ATXN10: variants seen among roughly 807,000 people sequenced by gnomAD.
ATXN10 encodes ataxin 10, also known as ataxin-10.
In ATXN10, 28 loss-of-function variants were observed where a neutral mutation model predicts 52.9. The ratio of observed to expected loss-of-function variants is 0.53; its 90% CI spans 0.39 to 0.73. The LOEUF (loss-of-function observed/expected upper bound fraction) is 0.73, where lower values mean the gene tolerates loss of function less well. ATXN10 is among the 30% of genes least tolerant of loss of function. The probability of loss-of-function intolerance (pLI) is 0.00; values close to 1 mark genes in which losing one functional copy is unlikely to be tolerated. For synonymous variants in ATXN10, 226 were observed against 221.5 expected, an observed-to-expected ratio of 1.02 and a Z score of -0.18; for missense variants, 565 against 577.0, an observed-to-expected ratio of 0.98 and a Z score of 0.21.
At chr22:45,697,814 T>G (rs963421714) in intron 3 of ATXN10, among the ~76,000 whole-genome samples, 11 of 151,956 alleles carry the variant, frequency 7.2e-5, no homozygotes, top group African/African-American at 2.7e-4. Context: ...GTATTTTTAG[T>G]AGAGACGGGG....
In ATXN10 at chr22:45,769,939, T is replaced by C. The variant is rs1018699958; in HGVS notation, c.1173+29401T>C. ...AAAATTAAATGTTACCACAAGTATT[T>C]TGTCACTCTATAAATACAGTTCTAA... On this transcript the variant is annotated intron_variant, in intron 9 of 11. Coordinates refer to ENST00000252934, the MANE Select transcript of ATXN10 (RefSeq NM_013236.4). The surrounding 1 kb of genome is among the most constrained non-coding windows in gnomAD (Gnocchi z 4.2). 2.6e-5 allele frequency among the ~76,000 whole-genome samples: 4 copies of C among 152,246 alleles called. No homozygotes were observed. Among genetic ancestry groups the C allele is most frequent in the African/African-American group, 9.6e-5 (4 of 41,458 alleles).
At chr22:45,751,982 C>T (rs1303221444) in intron 9 of ATXN10, among the ~76,000 whole-genome samples, 1 of 150,914 alleles carries the variant, frequency 6.6e-6, no homozygotes, top group East Asian at 1.9e-4. Context: ...AAGCTGATTG[C>T]TTATCTTATT....
intron 10 of ATXN10, among the ~76,000 whole-genome samples, chr22:45,822,564 T>G (rs1928686183): frequency 7.0e-6 from 1 of 142,970 alleles, no homozygotes; most frequent in Non-Finnish European, 1.5e-5. Context: ...GGAGTCTTGC[T>G]CTGTCACCCA....
At chr22:45,737,954 C>G (rs1045991259) in intron 7 of ATXN10, among the ~76,000 whole-genome samples, 15 of 152,058 alleles carry the variant, frequency 9.9e-5, no homozygotes, top group Non-Finnish European at 2.1e-4. Context: ...CTTCTGGCCT[C>G]GGCCTCCCAA....
At chr22:45,809,315 C>G (rs938622717) in intron 10 of ATXN10, among the ~76,000 whole-genome samples, 1 of 152,200 alleles carries the variant, frequency 6.6e-6, no homozygotes, top group Non-Finnish European at 1.5e-5. Context: ...CTTTCCCCCC[C>G]TTTCTTGTGC....
In ATXN10 at chr22:45,696,014, G is replaced by T. The variant is rs970547802; in HGVS notation, c.391+2936G>T. Among the ~76,000 whole-genome samples, 2 of 152,034 alleles carry T rather than the reference G, an allele frequency of 1.3e-5. No individual in the cohort carries two copies. The highest frequency in any genetic ancestry group is 6.6e-5 in the Admixed American group (1 of 15,254). On this transcript the variant is annotated intron_variant, in intron 3 of 11. Transcript: ENST00000252934. The surrounding 1 kb of genome is among the most constrained non-coding windows in gnomAD (Gnocchi z 4.7). ...TATTTGATTTTGAAGTATTCCTTTA[G>T]GAAATGGTAATTAAAAATTAATTAC... is the stretch of plus-strand genomic sequence containing the variant.
rs1925851850 is a variant in ATXN10 at position 45,749,235 on chromosome 22, C to CAT, written c.1173+8699_1173+8700dup. Among the ~76,000 whole-genome samples the CAT allele has an allele frequency of 2.0e-5, 3 of 152,178 alleles. No individual in the cohort carries two copies. In the South Asian group the frequency reaches 6.2e-4, roughly 32 times the overall value. ...TTAACACCTGCCGTAACACTGGGTACATAGTGTAGTGAAATTAATGGACGC... is the reference window on the plus strand; with the variant it reads ...TTAACACCTGCCGTAACACTGGGTACATATAGTGTAGTGAAATTAATGGACGC... On this transcript the variant is annotated intron_variant, in intron 9 of 11. Transcript: ENST00000252934.
chr22:45,740,732 ACACACACGTGTGTGTGTGTGTG>A, intron 9 of ATXN10, 194 bp downstream of exon 9: 1 of 399,996 alleles, frequency 2.5e-6, no homozygotes, highest in Non-Finnish European at 4.4e-6. Context: ...ATATATACAC[ACACACACGTGTGTGTGTGTGTG>A]TATATATATA....
Position 45,786,350 on chromosome 22 carries a change from A to T in ATXN10, c.1174-20609A>T, listed in dbSNP as rs1024072801. 6.6e-6 allele frequency among the ~76,000 whole-genome samples: 1 copy of T among 152,154 alleles called. No individual in the cohort carries two copies. Among genetic ancestry groups the T allele is most frequent in the Non-Finnish European group, 1.5e-5 (1 of 68,028 alleles). On this transcript the variant is annotated intron_variant, in intron 9 of 11. Coordinates refer to ENST00000252934, the MANE Select transcript of ATXN10 (RefSeq NM_013236.4). The surrounding 1 kb of genome is among the most constrained non-coding windows in gnomAD (Gnocchi z 4.1). Reference sequence around the variant, plus strand: ...AGAACTGTAGTATCATTCTCTCTGGATTCCTTTCTTTTTGGAGGTGTCATG... The same window carrying T: ...AGAACTGTAGTATCATTCTCTCTGGTTTCCTTTCTTTTTGGAGGTGTCATG...
chr22:45,843,191 G>A lies in ATXN10; in HGVS notation c.1425+13G>A, dbSNP rs760255090. The A allele has an allele frequency of 4.4e-5, 71 of 1,613,466 alleles. No individual in the cohort carries two copies. The highest frequency in any genetic ancestry group is 4.1e-4 in the South Asian group (37 of 91,060). The stretch of plus-strand genomic sequence containing the variant: ...CACCCCTAAGCCAGTAAGTACCCTC[G>A]AGGGAACTGTCCTTCCCTTTGGTTT... On this transcript the variant is annotated intron_variant, in intron 11 of 11. Transcript: ENST00000252934. The surrounding 1 kb of genome is among the most constrained non-coding windows in gnomAD (Gnocchi z 4.5).
In ATXN10 at chr22:45,675,154, A is replaced by G. The variant is rs7287514; in HGVS notation, c.116+2975A>G. On this transcript the variant is annotated intron_variant, in intron 1 of 11. Transcript: ENST00000252934. ...CAAGGTTGTAAGTGACCAAGAATCC[A>G]TTTGTGTTGAATCTCCTGTCTTATC... The G allele has an allele frequency of 1.7e-3, 262 of 152,350 alleles. 1 individual carries two copies. The highest frequency in any genetic ancestry group is 5.6e-3 in the African/African-American group (234 of 41,576). 9.4% of individuals were successfully genotyped at this position (152,350 alleles called of 1,614,324 possible).
At position 45,842,304 on chromosome 22, in the gene ATXN10, C is replaced by T. The variant is rs934911383; in HGVS notation, c.1238-687C>T. On this transcript the variant is annotated intron_variant, in intron 10 of 11. Transcript: ENST00000252934. The surrounding 1 kb of genome is among the most constrained non-coding windows in gnomAD (Gnocchi z 4.8). ...GATGTGGCGATGCTATCCCAGTCTTCGTAGGTTGTCTCTGGTCTCCTGCCA... is the reference window on the plus strand; with the variant it reads ...GATGTGGCGATGCTATCCCAGTCTTTGTAGGTTGTCTCTGGTCTCCTGCCA... Among the ~76,000 whole-genome samples, 16 of 152,164 alleles carry T rather than the reference C, an allele frequency of 1.1e-4. 1 individual carries two copies. The highest frequency in any genetic ancestry group is 9.2e-4 in the Admixed American group (14 of 15,284).
rs576295814 is a variant in ATXN10 at position 45,816,547 on chromosome 22, G to T, written c.1237+9525G>T. On this transcript the variant is annotated intron_variant, in intron 10 of 11. Transcript: ENST00000252934. The surrounding 1 kb of genome is among the most constrained non-coding windows in gnomAD (Gnocchi z 5.8). ...CCAGATATGTAACCTTTCCCCCAAG[G>T]AAAGTTTATCCCAGGTGGGAACTAT... is the stretch of plus-strand genomic sequence containing the variant. Among the ~76,000 whole-genome samples, 12 of 152,278 alleles carry T rather than the reference G, an allele frequency of 7.9e-5. No homozygotes were observed. Among genetic ancestry groups the T allele is most frequent in the African/African-American group, 2.9e-4 (12 of 41,568 alleles).
intron 9 of ATXN10, among the ~76,000 whole-genome samples, chr22:45,767,793 A>C (rs910761344): frequency 2.0e-5 from 3 of 152,218 alleles, no homozygotes; most frequent in Non-Finnish European, 4.4e-5. Flanking sequence ...GTATTTTGAC[A>C]ATGTAATTCT....
Position 45,770,366 on chromosome 22 carries a change from C to T in ATXN10, c.1173+29828C>T, listed in dbSNP as rs1476256645. Among the ~76,000 whole-genome samples the T allele has an allele frequency of 2.6e-5, 4 of 152,202 alleles. No homozygotes were observed. Among genetic ancestry groups the T allele is most frequent in the South Asian group, 2.1e-4 (1 of 4,814 alleles). On this transcript the variant is annotated intron_variant, in intron 9 of 11. Coordinates refer to ENST00000252934, the MANE Select transcript of ATXN10 (RefSeq NM_013236.4). The surrounding 1 kb of genome is among the most constrained non-coding windows in gnomAD (Gnocchi z 4.5). ...GAGGACACATTGTAATAAGTACTGT[C>T]GCTGGTTGGGACAGGTGATGTGAAA...
At chr22:45,738,283 T>A (rs1159860510) in intron 7 of ATXN10, among the ~76,000 whole-genome samples, 1 of 152,220 alleles carries the variant, frequency 6.6e-6, no homozygotes, top group Non-Finnish European at 1.5e-5. Context: ...ACCACAGCAT[T>A]TTACAGGATT....
At chr22:45,691,299 T>TA (rs1923365822) in intron 2 of ATXN10, among the ~76,000 whole-genome samples, 1 of 152,224 alleles carries the variant, frequency 6.6e-6, no homozygotes, top group Non-Finnish European at 1.5e-5. Context: ...GGCTGGCAGA[T>TA]ACACCTTTGT....
chr22:45,760,203 A>G (rs1452330493), intron 9 of ATXN10, among the ~76,000 whole-genome samples: 4 of 152,122 alleles, frequency 2.6e-5, no homozygotes, highest in Non-Finnish European at 2.9e-5. Flanking sequence ...TTTCCCACCT[A>G]CAGATGACAT....
chr22:45,835,270 G>A lies in ATXN10; in HGVS notation c.1238-7721G>A, dbSNP rs569244565. 2.6e-5 allele frequency among the ~76,000 whole-genome samples: 4 copies of A among 152,274 alleles called. No homozygotes were observed. The highest frequency in any genetic ancestry group is 5.9e-5 in the Non-Finnish European group (4 of 68,032). On this transcript the variant is annotated intron_variant, in intron 10 of 11. Coordinates refer to ENST00000252934, the MANE Select transcript of ATXN10 (RefSeq NM_013236.4). This position sits in a 1 kb window ranked among gnomAD's most constrained non-coding sequence, Gnocchi z 5.0. ...GGGCTCATGGGTCCTGCTTTGCCTG[G>A]CGCGGGCGCTTGAGCTTTCACATCT...
Sources: gnomAD v4.1 joint callset for allele counts (sites outside exome capture counted in the v4.1 genomes callset) on GRCh38, gnomAD v4.1.1 for gene constraint, Gnocchi (gnomAD v3.1) non-coding constraint, MANE v1.5 for transcripts, NCBI Gene and HGNC (gene_info 2026-07-23, HGNC 2026-07-21) for gene names.